Variants in CACNA1E observed in about 807,000 individuals in gnomAD.
CACNA1E encodes the protein voltage-dependent R-type calcium channel subunit alpha-1E.
A neutral mutation model predicts 259.2 loss-of-function variants in CACNA1E; 40 were observed. That is an observed-to-expected ratio of 0.15 (90% CI 0.12 to 0.20). The LOEUF is 0.20. CACNA1E is among the 10% of genes least tolerant of loss of function. CACNA1E has a pLI of 1.00. For missense variants in CACNA1E, 1,874 were observed against 3,040.1 expected, an observed-to-expected ratio of 0.62 and a Z score of 9.02; for synonymous variants, 1,104 against 1,138.5, an observed-to-expected ratio of 0.97 and a Z score of 0.61.
At chr1:181,658,620 C>A (rs575897719) in intron 7 of CACNA1E, among the ~76,000 whole-genome samples, 4 of 152,062 alleles carry the variant, frequency 2.6e-5, no homozygotes, top group Non-Finnish European at 5.9e-5. Flanking sequence ...TGTGGATGTT[C>A]GATTGATCCA....
At chr1:181,651,570 T>G (rs1447795818) in intron 7 of CACNA1E, 129 bp downstream of exon 7, 2 of 633,596 alleles carry the variant, frequency 3.2e-6, no homozygotes, top group Admixed American at 2.9e-5. Flanking sequence ...AGTTCCTCTG[T>G]GCCAAATGCT....
intron 6 of CACNA1E, among the ~76,000 whole-genome samples, chr1:181,628,847 T>C (rs1479566158): frequency 6.6e-6 from 1 of 152,256 alleles, no homozygotes; most frequent in African/African-American, 2.4e-5. Context: ...GATCTTGAGT[T>C]GGCAGTTAAC....
intron 2 of CACNA1E, among the ~76,000 whole-genome samples, chr1:181,414,444 T>C (rs1658112232): frequency 6.6e-6 from 1 of 152,256 alleles, no homozygotes; most frequent in Non-Finnish European, 1.5e-5. Context: ...TAGGGGTAAA[T>C]GAGCTGATCT....
chr1:181,773,431 A>T (rs912168012), intron 37 of CACNA1E, among the ~76,000 whole-genome samples: 1 of 152,246 alleles, frequency 6.6e-6, no homozygotes, highest in South Asian at 2.1e-4. Context: ...GAACTGATCC[A>T]TGTGTTTTAA....
chr1:181,530,904 A>AGAAG (rs1373164010), intron 3 of CACNA1E, among the ~76,000 whole-genome samples: 4 of 152,334 alleles, frequency 2.6e-5, no homozygotes, highest in Non-Finnish European at 4.4e-5. Flanking sequence ...GAAATTTTGC[A>AGAAG]GCTTTTGAAG....
In CACNA1E at chr1:181,719,766, A is replaced by G; in HGVS notation, c.1654A>G (p.Ile552Val). 6.3e-7 allele frequency: 1 copy of G among 1,598,748 alleles called. No homozygotes were observed. The highest frequency in any genetic ancestry group is 8.5e-7 in the Non-Finnish European group (1 of 1,171,170). ...CFDFGVTVGS[I>V]FEVVWAIFRP... ...GCCTCTCTAGGTCACAGTGGGCAGT[A>G]TCTTTGAAGTGGTCTGGGCAATCTT... The change falls in exon 13 of 48, where the codon ATC (isoleucine) becomes GTC (valine). Residue 552 changes from isoleucine to valine, a missense_variant. This residue lies in a region of CACNA1E where 102 missense variants were observed against 279.4 expected (regional missense o/e 0.37). Transcript: ENST00000367573.
At chr1:181,437,563 A>C (rs1332765502) in intron 2 of CACNA1E, among the ~76,000 whole-genome samples, 1 of 152,282 alleles carries the variant, frequency 6.6e-6, no homozygotes, top group Non-Finnish European at 1.5e-5. Flanking sequence ...TGATGCCCAC[A>C]TTCCTGAGTC....
At chr1:181,505,115 T>C (rs1287960125) in intron 1 of CACNA1E, among the ~76,000 whole-genome samples, 1 of 152,232 alleles carries the variant, frequency 6.6e-6, no homozygotes, top group African/African-American at 2.4e-5. Context: ...CTCTCCGAAG[T>C]CTTTTTCTGA....
chr1:181,710,845 G>C, intron 7 of CACNA1E, 109 bp from the exon 8 acceptor site: 1 of 773,008 alleles, frequency 1.3e-6, no homozygotes, highest in Non-Finnish European at 2.2e-6. Context: ...GGGTACATGG[G>C]CTTAATAGAG....
intron 3 of CACNA1E, among the ~76,000 whole-genome samples, chr1:181,532,579 G>A (rs934377384): frequency 1.3e-5 from 2 of 152,224 alleles, no homozygotes; most frequent in African/African-American, 2.4e-5. Flanking sequence ...TTCCAGAAAA[G>A]CAAGGTTCTC....
At chr1:181,772,319 C>T (rs1659588421) in intron 37 of CACNA1E, 88 bp downstream of exon 37, 1 of 1,387,130 alleles carries the variant, frequency 7.2e-7, no homozygotes, top group South Asian at 1.3e-5. Context: ...ATGTTTGCTT[C>T]AGTGTATGTT....
At position 181,776,294 on chromosome 1, in the gene CACNA1E, A is replaced by G; in HGVS notation, c.5267+66A>G. ...AAGGTCTCTGGAGTTCCCAGGGAAG[A>G]GGCTGGAATTGGAGCCACCCAAATG... On this transcript the variant is annotated intron_variant, in intron 38 of 47. Coordinates refer to ENST00000367573, the MANE Select transcript of CACNA1E (RefSeq NM_001205293.3). The surrounding 1 kb of genome is among the most constrained non-coding windows in gnomAD (Gnocchi z 4.4). The G allele has an allele frequency of 1.9e-6, 3 of 1,564,096 alleles. No homozygotes were observed. The highest frequency in any genetic ancestry group is 2.6e-6 in the Non-Finnish European group (3 of 1,135,492).
chr1:181,422,442 C>A (rs1003978570), intron 2 of CACNA1E, among the ~76,000 whole-genome samples: 1 of 152,230 alleles, frequency 6.6e-6, no homozygotes, highest in African/African-American at 2.4e-5. Flanking sequence ...CCAGGAAGCT[C>A]AGGACACCAC....
At chr1:181,585,884 T>TC (rs1156248025) in intron 6 of CACNA1E, among the ~76,000 whole-genome samples, 1 of 152,212 alleles carries the variant, frequency 6.6e-6, no homozygotes, top group African/African-American at 2.4e-5. Context: ...AAGGCCATTA[T>TC]ACAGACTCTG....
chr1:181,733,577 G>T lies in CACNA1E; in HGVS notation c.3089G>T (p.Ser1030Ile), dbSNP rs1334265515. Reference sequence around the variant, plus strand: ...ACGGAGCAGGAGCCAGAAGGCAGCAGTGAGCAGGCCCTGCTGGGGAATGTG... The same window carrying T: ...ACGGAGCAGGAGCCAGAAGGCAGCATTGAGCAGGCCCTGCTGGGGAATGTG... ...VLTEQEPEGS[S>I]EQALLGNVQL... Residue 1030 changes from serine to isoleucine, a missense_variant, in exon 21 of 48, where the codon AGT becomes ATT. Ser to Ile is a moderately radical substitution (Grantham distance 142). Around this residue, in one of 14 missense-constraint regions of CACNA1E, gnomAD observed 476 missense variants for 514.0 expected, o/e 0.93. Transcript: ENST00000367573. The T allele has an allele frequency of 2.5e-6, 4 of 1,613,090 alleles. No homozygotes were observed. Among genetic ancestry groups the T allele is most frequent in the Admixed American group, 1.7e-5 (1 of 59,920 alleles).
At chr1:181,710,468 A>T (rs1653237321) in intron 7 of CACNA1E, among the ~76,000 whole-genome samples, 1 of 152,172 alleles carries the variant, frequency 6.6e-6, no homozygotes, top group Admixed American at 6.5e-5. Context: ...GAATTTTAAT[A>T]GTATTAATAC....
chr1:181,459,193 T>G (rs1661651889), intron 2 of CACNA1E, among the ~76,000 whole-genome samples: 1 of 152,214 alleles, frequency 6.6e-6, no homozygotes, highest in South Asian at 2.1e-4. Flanking sequence ...ACATTCCTAG[T>G]ACAGGGAACA....
chr1:181,589,733 A>G (rs539527192), intron 6 of CACNA1E, among the ~76,000 whole-genome samples: 62 of 152,274 alleles, frequency 4.1e-4, no homozygotes, highest in African/African-American at 1.3e-3. Flanking sequence ...TAAAAAGAAA[A>G]TAAAATAAAG....
intron 25 of CACNA1E, among the ~76,000 whole-genome samples, chr1:181,742,585 T>C (rs1390002083): frequency 6.6e-6 from 1 of 152,128 alleles, no homozygotes; most frequent in Non-Finnish European, 1.5e-5. Flanking sequence ...CTGTGGCTCC[T>C]CAGAAACCAG....
Sources: gnomAD v4.1 joint callset for allele counts (sites outside exome capture counted in the v4.1 genomes callset) on GRCh38, gnomAD v4.1.1 for gene constraint, gnomAD v4.1.1 regional missense constraint, Gnocchi (gnomAD v3.1) non-coding constraint, MANE v1.5 for transcripts, NCBI Gene and HGNC (gene_info 2026-07-23, HGNC 2026-07-21) for gene names.